The following CNIH3 variants were observed in gnomAD, a reference collection of about 807,000 sequenced individuals.
The protein encoded by CNIH3 is cornichon family AMPA receptor auxiliary protein 3.
CNIH3 carries 14 observed loss-of-function variants against 24.1 expected under a neutral mutation model. The ratio of observed to expected loss-of-function variants is 0.58; its 90% CI spans 0.38 to 0.91. The LOEUF (loss-of-function observed/expected upper bound fraction) is 0.91. CNIH3 is among the 40% of genes least tolerant of loss of function. The probability of loss-of-function intolerance (pLI) is 0.00; values close to 1 mark genes in which losing one functional copy is unlikely to be tolerated. For missense variants in CNIH3, 178 were observed against 196.8 expected (o/e 0.90, Z 0.57); for synonymous variants, 68 against 73.8 (o/e 0.92, Z 0.40).
chr1:224,626,684 C>A (rs1395583092), intron 1 of CNIH3, among the ~76,000 whole-genome samples: 7 of 152,112 alleles, frequency 4.6e-5, no homozygotes, highest in Non-Finnish European at 7.3e-5. Flanking sequence ...AGGATAACGT[C>A]CAAACCGCTC....
intron 1 of CNIH3, among the ~76,000 whole-genome samples, chr1:224,464,985 A>G (rs11577170): frequency 0.28 from 42,797 of 151,886 alleles, 7,455 homozygotes; most frequent in African/African-American, 0.49. Context: ...TTGTAGAAAC[A>G]GTCTCACCAT....
chr1:224,670,252 G>A (rs1685799983), intron 1 of CNIH3, among the ~76,000 whole-genome samples: 1 of 152,174 alleles, frequency 6.6e-6, no homozygotes, highest in Non-Finnish European at 1.5e-5. Flanking sequence ...TGTGAGGAAG[G>A]GATGTAGCTA....
chr1:224,554,643 G>A (rs1045361254), intron 3 of CNIH3, among the ~76,000 whole-genome samples: 2 of 151,962 alleles, frequency 1.3e-5, no homozygotes, highest in African/African-American at 4.8e-5. Flanking sequence ...GAGTGCAGTG[G>A]TGTGATCACG....
chr1:224,596,381 C>A (rs1025550995), intron 3 of CNIH3, among the ~76,000 whole-genome samples: 1 of 152,204 alleles, frequency 6.6e-6, no homozygotes, highest in African/African-American at 2.4e-5. Flanking sequence ...ACTGTTGAGA[C>A]CTATTGCTCA....
chr1:224,739,423 G>A lies in CNIH3; in HGVS notation c.*67G>A, dbSNP rs975921166. ...GCCTGAGACGGAGAGGTGCATTTCTGCTGGTGACTGGAGGAGGGACCAGAA... is the reference window on the plus strand; with the variant it reads ...GCCTGAGACGGAGAGGTGCATTTCTACTGGTGACTGGAGGAGGGACCAGAA... On this transcript the variant is annotated 3_prime_UTR_variant, in exon 6 of 6. Coordinates refer to ENST00000272133, the MANE Select transcript of CNIH3 (RefSeq NM_152495.2). 6.3e-7 allele frequency: 1 copy of A among 1,582,788 alleles called. No individual in the cohort carries two copies. Among genetic ancestry groups the A allele is most frequent in the Non-Finnish European group, 8.5e-7 (1 of 1,170,722 alleles).
At chr1:224,668,870 A>G in intron 1 of CNIH3, among the ~76,000 whole-genome samples, 1 of 140,262 alleles carries the variant, frequency 7.1e-6, no homozygotes, top group Non-Finnish European at 1.5e-5. Flanking sequence ...CTTCATGCGC[A>G]GGGCCAGATG....
intron 3 of CNIH3, among the ~76,000 whole-genome samples, chr1:224,686,556 T>C (rs541857781): frequency 6.6e-6 from 1 of 152,348 alleles, no homozygotes; most frequent in East Asian, 1.9e-4. Flanking sequence ...TTCTATAGTC[T>C]CTGGGTTTGT....
chr1:224,484,625 A>T (rs1676957065), intron 1 of CNIH3, among the ~76,000 whole-genome samples: 1 of 152,026 alleles, frequency 6.6e-6, no homozygotes. Context: ...TTATGTCCCC[A>T]TCTCTCCTAC....
intron 2 of CNIH3, among the ~76,000 whole-genome samples, chr1:224,545,717 C>T (rs1679677955): frequency 6.6e-6 from 1 of 152,174 alleles, no homozygotes; most frequent in African/African-American, 2.4e-5. Flanking sequence ...TGGCCTTGAA[C>T]AAAGTGTGAT....
intron 1 of CNIH3, among the ~76,000 whole-genome samples, chr1:224,653,729 A>G (rs1684971427): frequency 6.6e-6 from 1 of 152,228 alleles, no homozygotes; most frequent in Non-Finnish European, 1.5e-5. Context: ...AAGAGTCAGT[A>G]TGGCCTATAT....
At chr1:224,542,908 G>A (rs1400312203) in intron 2 of CNIH3, among the ~76,000 whole-genome samples, 1 of 152,156 alleles carries the variant, frequency 6.6e-6, no homozygotes, top group Non-Finnish European at 1.5e-5. Context: ...TAATACCATT[G>A]GAATTTTCCA....
intron 1 of CNIH3, among the ~76,000 whole-genome samples, chr1:224,632,572 G>C (rs558554411): frequency 6.6e-6 from 1 of 152,170 alleles, no homozygotes; most frequent in Admixed American, 6.5e-5. Context: ...GTCTGGGAAG[G>C]GATTTGGAAG....
At chr1:224,711,940 C>T (rs1453185961) in intron 3 of CNIH3, among the ~76,000 whole-genome samples, 1 of 152,104 alleles carries the variant, frequency 6.6e-6, no homozygotes, top group Non-Finnish European at 1.5e-5. Flanking sequence ...TGCTTAGGGG[C>T]CTTTGATGGT....
intron 1 of CNIH3, among the ~76,000 whole-genome samples, chr1:224,457,660 T>C (rs1394249478): frequency 6.6e-6 from 1 of 152,150 alleles, no homozygotes; most frequent in Non-Finnish European, 1.5e-5. Context: ...TTTCTGTTCT[T>C]GTAACTTTCC....
At chr1:224,475,747 C>T (rs1487282718) in intron 1 of CNIH3, among the ~76,000 whole-genome samples, 1 of 152,156 alleles carries the variant, frequency 6.6e-6, no homozygotes, top group Non-Finnish European at 1.5e-5. Flanking sequence ...AAACTATGCA[C>T]TATGAGGCCA....
Position 224,637,552 on chromosome 1 carries a change from C to T in CNIH3, c.81+20297C>T, listed in dbSNP as rs2125087506. ...ATTTTCAGGAGCTGTTTAGTACTGG[C>T]CCCTTGACTTGCCTTCAGAAGATCT... On this transcript the variant is annotated intron_variant, in intron 1 of 5. Coordinates refer to ENST00000272133, the MANE Select transcript of CNIH3 (RefSeq NM_152495.2). Among the ~76,000 whole-genome samples the T allele has an allele frequency of 2.0e-5, 3 of 152,290 alleles. No homozygotes were observed. The South Asian group carries it at 6.2e-4, about 32-fold the overall frequency.
chr1:224,534,735 CACAG>C lies in CNIH3; in HGVS notation n.344-2196_344-2193del, dbSNP rs561103908. Among the ~76,000 whole-genome samples the C allele has an allele frequency of 3.3e-5, 5 of 152,290 alleles. No homozygotes were observed. In the East Asian group the frequency reaches 9.6e-4, roughly 29 times the overall value. On this transcript the variant is annotated intron_variant and non_coding_transcript_variant, in intron 2 of 2. Transcript: ENST00000470602. The stretch of plus-strand genomic sequence containing the variant: ...CATAGCTGCTATGATCATATATCAC[CACAG>C]ACAGTGTCTTCCACCTGCACCCCCT...
chr1:224,445,849 G>A (rs1211729058), intron 1 of CNIH3, among the ~76,000 whole-genome samples: 2 of 152,134 alleles, frequency 1.3e-5, no homozygotes, highest in Admixed American at 1.3e-4. Context: ...ATATTCTTCT[G>A]TGTTATATCC....
chr1:224,443,713 T>TATA (rs1558461722), intron 1 of CNIH3, among the ~76,000 whole-genome samples: 19 of 148,156 alleles, frequency 1.3e-4, no homozygotes, highest in African/African-American at 4.2e-4. Flanking sequence ...ATATATATAT[T>TATA]TTTTTAGGCT....
Sources: allele counts gnomAD v4.1 joint callset (sites outside exome capture counted in the v4.1 genomes callset), GRCh38; gene constraint gnomAD v4.1.1; transcripts MANE v1.5; gene names NCBI Gene and HGNC (gene_info 2026-07-23, HGNC 2026-07-21).